PGAP1: variants seen among roughly 807,000 people sequenced by gnomAD.
The protein encoded by PGAP1 is GPI inositol-deacylase.
In PGAP1, 76 loss-of-function variants were observed where a neutral mutation model predicts 127.0. The observed-to-expected ratio is 0.60, with a 90% confidence interval of 0.50 to 0.72. The LOEUF (loss-of-function observed/expected upper bound fraction) is 0.72, where lower values mean the gene tolerates loss of function less well. PGAP1 is among the 30% of genes least tolerant of loss of function. The probability of loss-of-function intolerance (pLI) is 0.00; values close to 1 mark genes in which losing one functional copy is unlikely to be tolerated. For synonymous variants in PGAP1, 362 were observed against 366.5 expected (o/e 0.99, Z 0.14); for missense variants, 982 against 1,071.3 (o/e 0.92, Z 1.16).
At chr2:196,850,842 ATAT>A (rs1250059290) in intron 20 of PGAP1, among the ~76,000 whole-genome samples, 2 of 152,152 alleles carry the variant, frequency 1.3e-5, no homozygotes, top group Non-Finnish European at 2.9e-5. Flanking sequence ...AGAAGTATAC[ATAT>A]TATGAACGAT....
At chr2:196,876,067 C>T (rs1701560626) in intron 13 of PGAP1, among the ~76,000 whole-genome samples, 1 of 152,062 alleles carries the variant, frequency 6.6e-6, no homozygotes, top group African/African-American at 2.4e-5. Flanking sequence ...ATTTCTAGAA[C>T]AACAGATTCA....
intron 1 of PGAP1, chr2:196,922,616 A>AC (rs781552028): frequency 1.1e-4 from 77 of 720,928 alleles, no homozygotes; most frequent in East Asian, 1.4e-4. Flanking sequence ...ACACACACAC[A>AC]ACAAAGCTTA....
At chr2:196,859,737 TAACAC>T (rs1701000368) in intron 20 of PGAP1, among the ~76,000 whole-genome samples, 1 of 152,094 alleles carries the variant, frequency 6.6e-6, no homozygotes, top group Admixed American at 6.5e-5. Context: ...ATATGATAAA[TAACAC>T]AAATGGAATC....
rs1288514578 is a variant in PGAP1 at position 196,873,581 on chromosome 2, T to C, written c.1501-2A>G. The C allele has an allele frequency of 1.2e-6, 2 of 1,610,772 alleles. No homozygotes were observed. Among genetic ancestry groups the C allele is most frequent in the East Asian group, 2.2e-5 (1 of 44,702 alleles). On this transcript the variant is annotated splice_acceptor_variant, in intron 15 of 26. Transcript: ENST00000354764. LOFTEE classifies it high-confidence loss of function. The stretch of plus-strand genomic sequence containing the variant: ...GTTGATTTTAAAAGCTTGGTATATC[T>C]AATAGAGTTTGACCACAAAAACAAA...
chr2:196,858,610 A>C (rs1450870394), intron 20 of PGAP1, among the ~76,000 whole-genome samples: 1 of 152,150 alleles, frequency 6.6e-6, no homozygotes, highest in Non-Finnish European at 1.5e-5. Flanking sequence ...CTAATGATGC[A>C]TCTCAAGGAA....
chr2:196,875,480 C>G (rs1701533943), intron 14 of PGAP1, among the ~76,000 whole-genome samples: 1 of 151,692 alleles, frequency 6.6e-6, no homozygotes, highest in Non-Finnish European at 1.5e-5. Context: ...TAATAAGGGC[C>G]AATAGGATAA....
intron 18 of PGAP1, 41 bp downstream of exon 18, chr2:196,872,400 C>G (rs1029104916): frequency 2.5e-5 from 35 of 1,386,650 alleles, no homozygotes; most frequent in Non-Finnish European, 3.4e-5. Flanking sequence ...CTAGCTTATT[C>G]TACAACTAAA....
intron 12 of PGAP1, among the ~76,000 whole-genome samples, chr2:196,883,753 AT>A (rs1701805390): frequency 6.6e-6 from 1 of 152,200 alleles, no homozygotes; most frequent in Admixed American, 6.5e-5. Context: ...TATAAAATGT[AT>A]TTGCTTTAGT....
intron 7 of PGAP1, among the ~76,000 whole-genome samples, chr2:196,893,857 G>A (rs1214224039): frequency 6.6e-6 from 1 of 152,042 alleles, no homozygotes; most frequent in Non-Finnish European, 1.5e-5. Context: ...AAGTGTACTG[G>A]GTATAAAATC....
At chr2:196,861,044 G>A (rs945524339) in intron 20 of PGAP1, among the ~76,000 whole-genome samples, 2 of 152,120 alleles carry the variant, frequency 1.3e-5, no homozygotes, top group Non-Finnish European at 2.9e-5. Flanking sequence ...TTTACAGCCA[G>A]CTAATTTTCA....
intron 25 of PGAP1, among the ~76,000 whole-genome samples, chr2:196,843,227 T>C (rs752476846): frequency 5.3e-5 from 8 of 152,218 alleles, no homozygotes; most frequent in Non-Finnish European, 1.2e-4. Context: ...AATTCATTTC[T>C]TGCATTTACT....
chr2:196,862,529 G>A (rs941065136), intron 20 of PGAP1, among the ~76,000 whole-genome samples: 10 of 151,954 alleles, frequency 6.6e-5, no homozygotes, highest in African/African-American at 9.7e-5. Context: ...CACCCTATTC[G>A]TACACTCCCT....
chr2:196,853,665 C>A (rs1700786802), intron 20 of PGAP1, among the ~76,000 whole-genome samples: 1 of 152,154 alleles, frequency 6.6e-6, no homozygotes. Flanking sequence ...AAAGATAACA[C>A]AGGGAATTAC....
rs752013403 is a variant in PGAP1, at chr2:196,916,454, T to C, written c.441A>G (p.Val147=). 1.9e-6 allele frequency: 3 copies of C among 1,613,186 alleles called. No individual in the cohort carries two copies. Among genetic ancestry groups the C allele is most frequent in the East Asian group, 2.2e-5 (1 of 44,830 alleles). Residue 147 remains valine (V), a synonymous_variant, in exon 3 of 27, where the codon GTA becomes GTG. Coordinates refer to ENST00000354764, the MANE Select transcript of PGAP1 (RefSeq NM_024989.4). The part of the protein sequence containing the change: ...GGSLQKQTKF[V]HECIKTILKL... The stretch of plus-strand genomic sequence containing the variant: ...TGAGAATTGTTTTAATACATTCATG[T>C]ACAAACTTGGTCTGCTTCTGAAGAC...
chr2:196,896,547 C>T (rs1178615413), intron 7 of PGAP1, among the ~76,000 whole-genome samples: 5 of 152,076 alleles, frequency 3.3e-5, no homozygotes, highest in Non-Finnish European at 7.4e-5. Context: ...TTCCCCTACA[C>T]TTAAAAAATA....
chr2:196,893,615 A>G (rs1308915010), intron 7 of PGAP1, among the ~76,000 whole-genome samples: 1 of 152,230 alleles, frequency 6.6e-6, no homozygotes, highest in Non-Finnish European at 1.5e-5. Flanking sequence ...GTATAGAACC[A>G]GAAGAGAATT....
At chr2:196,902,457 A>G (rs1702529474) in intron 5 of PGAP1, 128 bp downstream of exon 5, 1 of 654,672 alleles carries the variant, frequency 1.5e-6, no homozygotes, top group Non-Finnish European at 2.5e-6. Context: ...ACACACATGC[A>G]TGCCCACACA....
At chr2:196,897,830 T>C (rs753016259) in intron 6 of PGAP1, among the ~76,000 whole-genome samples, 3 of 152,230 alleles carry the variant, frequency 2.0e-5, no homozygotes, top group Non-Finnish European at 4.4e-5. Flanking sequence ...CAAGAGAACC[T>C]TGGTCAAACT....
intron 13 of PGAP1, among the ~76,000 whole-genome samples, chr2:196,878,163 G>A (rs1349263063): frequency 6.6e-6 from 1 of 151,930 alleles, no homozygotes; most frequent in Non-Finnish European, 1.5e-5. Flanking sequence ...TACAAGCTGA[G>A]GATCCCTCAT....
Sources: allele counts gnomAD v4.1 joint callset (sites outside exome capture counted in the v4.1 genomes callset), GRCh38; gene constraint gnomAD v4.1.1; transcripts MANE v1.5; gene names NCBI Gene and HGNC (gene_info 2026-07-23, HGNC 2026-07-21).